SERPINE2: variants seen among roughly 807,000 people sequenced by gnomAD.
SERPINE2 encodes serpin family E member 2.
A neutral mutation model predicts 36.3 loss-of-function variants in SERPINE2; 14 were observed. The observed-to-expected ratio is 0.39, with a 90% CI of 0.25 to 0.60. The LOEUF is 0.60. SERPINE2 is among the 20% of genes least tolerant of loss of function. SERPINE2 has a pLI of 0.57. For synonymous variants in SERPINE2, 192 were observed against 191.8 expected (o/e 1.00, Z -0.01); for missense variants, 418 against 499.6 (o/e 0.84, Z 1.56).
intron 4 of SERPINE2, 67 bp from the exon 5 acceptor site, chr2:223,985,017 G>T: frequency 7.0e-7 from 1 of 1,425,722 alleles, no homozygotes; most frequent in Non-Finnish European, 9.9e-7. Context: ...AGTGCTTGCT[G>T]GTCACCGGGA....
At chr2:224,019,470 C>T (rs1216192144) in intron 1 of SERPINE2, among the ~76,000 whole-genome samples, 1 of 152,144 alleles carries the variant, frequency 6.6e-6, no homozygotes, top group Non-Finnish European at 1.5e-5. Context: ...GGCCTTCATG[C>T]CTATGTTCCC....
intron 1 of SERPINE2, among the ~76,000 whole-genome samples, chr2:224,035,807 A>G (rs1692514977): frequency 1.3e-5 from 2 of 152,198 alleles, no homozygotes; most frequent in South Asian, 4.1e-4. Context: ...CACACCGGCC[A>G]CCATTTTGCC....
At chr2:223,992,297 T>TA (rs1053856634) in intron 3 of SERPINE2, among the ~76,000 whole-genome samples, 12 of 152,056 alleles carry the variant, frequency 7.9e-5, no homozygotes, top group African/African-American at 2.9e-4. Context: ...GTCCAGGCTT[T>TA]AAAAAAATCT....
intron 1 of SERPINE2, among the ~76,000 whole-genome samples, chr2:224,009,856 T>C (rs1442866237): frequency 6.6e-6 from 1 of 152,222 alleles, no homozygotes; most frequent in Non-Finnish European, 1.5e-5. Context: ...AGAGGCATTC[T>C]AGAAACTCTT....
intron 7 of SERPINE2, chr2:223,979,436 C>T (rs926616732): frequency 2.0e-5 from 3 of 152,070 alleles, no homozygotes; most frequent in Non-Finnish European, 2.9e-5. Flanking sequence ...AACGTTTATT[C>T]GAGAAAGGCA....
intron 4 of SERPINE2, among the ~76,000 whole-genome samples, chr2:223,991,538 A>G (rs886777356): frequency 1.3e-5 from 2 of 152,214 alleles, no homozygotes; most frequent in African/African-American, 2.4e-5. Flanking sequence ...TTTCAACCAA[A>G]AAGCCTACTA....
At chr2:224,006,511 G>C (rs1459887404) in intron 1 of SERPINE2, among the ~76,000 whole-genome samples, 1 of 152,114 alleles carries the variant, frequency 6.6e-6, no homozygotes, top group African/African-American at 2.4e-5. Context: ...TCTCTTCTTT[G>C]AATTCCTATA....
At chr2:224,016,358 TAGTC>T (rs1422639534) in intron 1 of SERPINE2, among the ~76,000 whole-genome samples, 1 of 152,030 alleles carries the variant, frequency 6.6e-6, no homozygotes, top group African/African-American at 2.4e-5. Flanking sequence ...ATATAAAAAT[TAGTC>T]AGTCGTCGCG....
chr2:224,036,830 T>G (rs1429913117), intron 1 of SERPINE2, among the ~76,000 whole-genome samples: 1 of 151,698 alleles, frequency 6.6e-6, no homozygotes, highest in Non-Finnish European at 1.5e-5. Flanking sequence ...CTTAAAATAC[T>G]ACTAAAAAAG....
intron 5 of SERPINE2, among the ~76,000 whole-genome samples, chr2:223,982,990 T>C (rs975278): frequency 0.77 from 116,697 of 152,182 alleles, 45,282 homozygotes; most frequent in Non-Finnish European, 0.82. Flanking sequence ...ATGAGTCATA[T>C]GTACTAACGG....
At chr2:224,016,493 C>G (rs1030792691) in intron 1 of SERPINE2, among the ~76,000 whole-genome samples, 2 of 123,910 alleles carry the variant, frequency 1.6e-5, no homozygotes, top group Non-Finnish European at 3.3e-5. Context: ...GCGACAAGAG[C>G]GAAAGTCCGT....
chr2:224,022,235 G>C (rs1490766778), intron 1 of SERPINE2, among the ~76,000 whole-genome samples: 1 of 151,050 alleles, frequency 6.6e-6, no homozygotes, highest in Non-Finnish European at 1.5e-5. Flanking sequence ...ATGAGGCTGA[G>C]GTGGGAGAAT....
intron 1 of SERPINE2, among the ~76,000 whole-genome samples, chr2:224,037,246 G>A (rs568626033): frequency 2.6e-5 from 4 of 152,322 alleles, no homozygotes; most frequent in African/African-American, 9.6e-5. Context: ...GACGTGAGGA[G>A]ATACTTATGA....
At chr2:224,001,975 TAC>T (rs1264750084) in intron 1 of SERPINE2, 53 bp from the exon 2 acceptor site, 3 of 1,427,050 alleles carry the variant, frequency 2.1e-6, no homozygotes, top group South Asian at 1.4e-5. Context: ...GGTACTTTAC[TAC>T]TTTTTTTTTT....
At chr2:224,027,151 CT>C (rs1164888298) in intron 1 of SERPINE2, among the ~76,000 whole-genome samples, 1 of 152,174 alleles carries the variant, frequency 6.6e-6, no homozygotes, top group East Asian at 1.9e-4. Flanking sequence ...TAAGTCACTT[CT>C]CTGCATGAAG....
At chr2:224,028,655 A>T (rs1692263878) in intron 1 of SERPINE2, among the ~76,000 whole-genome samples, 1 of 152,182 alleles carries the variant, frequency 6.6e-6, no homozygotes, top group African/African-American at 2.4e-5. Flanking sequence ...ATAAACCAGG[A>T]ATGATTTCTA....
At chr2:224,008,043 C>A (rs1253725831) in intron 1 of SERPINE2, among the ~76,000 whole-genome samples, 1 of 152,194 alleles carries the variant, frequency 6.6e-6, no homozygotes, top group Non-Finnish European at 1.5e-5. Context: ...GCCTGCAAAG[C>A]CAAAAACAGT....
intron 3 of SERPINE2, among the ~76,000 whole-genome samples, chr2:223,995,729 A>G (rs1690859699): frequency 6.6e-6 from 1 of 152,230 alleles, no homozygotes; most frequent in Non-Finnish European, 1.5e-5. Flanking sequence ...GAAATTTATC[A>G]AAAGTCTTGC....
intron 1 of SERPINE2, among the ~76,000 whole-genome samples, chr2:224,037,440 C>G (rs1688059792): frequency 6.6e-6 from 1 of 152,202 alleles, no homozygotes; most frequent in Non-Finnish European, 1.5e-5. Context: ...GAGGGCAAGA[C>G]TTGGAGGTAC....
Sources: allele counts gnomAD v4.1 joint callset (sites outside exome capture counted in the v4.1 genomes callset), GRCh38; gene constraint gnomAD v4.1.1; transcripts MANE v1.5; gene names NCBI Gene and HGNC (gene_info 2026-07-23, HGNC 2026-07-21).